Variants in CHIC1 observed in about 807,000 individuals in gnomAD.
The protein encoded by CHIC1 is cysteine-rich hydrophobic domain-containing protein 1.
CHIC1 carries 7 observed loss-of-function variants against 18.5 expected under a neutral mutation model. That is an observed-to-expected ratio of 0.38 (90% CI 0.22 to 0.71). The LOEUF (loss-of-function observed/expected upper bound fraction) is 0.71. Ranked by LOEUF, CHIC1 falls within the 30% of genes least tolerant of loss-of-function variation. CHIC1 has a pLI of 0.49. For synonymous variants in CHIC1, 77 were observed against 73.5 expected, an observed-to-expected ratio of 1.05 and a Z score of -0.25; for missense variants, 159 against 176.9, an observed-to-expected ratio of 0.90 and a Z score of 0.57.
At chrX:73,648,182 A>G (rs1346927095) in intron 3 of CHIC1, among the ~76,000 whole-genome samples, 1 of 110,594 alleles carries the variant, frequency 9.0e-6, no homozygotes, top group Non-Finnish European at 1.9e-5. Context: ...CAAAAAAAGT[A>G]CCAACAAAAA....
intron 3 of CHIC1, among the ~76,000 whole-genome samples, chrX:73,643,335 A>T (rs1333627987): frequency 6.5e-5 from 7 of 107,525 alleles, no homozygotes; most frequent in Non-Finnish European, 1.2e-4. Flanking sequence ...TGAATCTGAC[A>T]ATTACGTGTC....
At chrX:73,580,162 A>G (rs1016362047) in intron 2 of CHIC1, among the ~76,000 whole-genome samples, 2 of 111,024 alleles carry the variant, frequency 1.8e-5, no homozygotes, top group African/African-American at 6.5e-5. Flanking sequence ...TCATTTCTTT[A>G]CAAGCCTTCT....
chrX:73,685,936 A>G lies in CHIC1; in HGVS notation c.*4931A>G, dbSNP rs1403570428. The G allele has an allele frequency of 1.8e-5, 2 of 111,228 alleles. No homozygotes were observed. Among genetic ancestry groups the G allele is most frequent in the African/African-American group, 6.5e-5 (2 of 30,717 alleles). The allele number at this position is 111,228 out of a possible 1,213,427, so 9.2% of individuals were successfully genotyped here. A position where few individuals can be genotyped will look rare whatever the true frequency, so the allele number is the denominator to read the frequency against. ...CAGTGATTCCCAACTTCAGCAGATG[A>G]TAGCAGTGGAGGGTATCCTTGAGCT... On this transcript the variant is annotated 3_prime_UTR_variant, in exon 6 of 6. Transcript: ENST00000373502.
rs1376391430 is a variant in CHIC1 at position 73,603,595 on chromosome X, G to T, written c.507+19023G>T. 2.8e-5 allele frequency among the ~76,000 whole-genome samples: 3 copies of T among 108,572 alleles called. 1 individual carries two copies. Among genetic ancestry groups the T allele is most frequent in the African/African-American group, 7.2e-5 (2 of 27,877 alleles). 94.3% of individuals were successfully genotyped at this position (108,572 alleles called of 115,157 possible). ...TCTTGTGCCGGTTTTCAAAGGGAAT[G>T]CTTCCAGTTTTTGCCCATTCAGTAT... On this transcript the variant is annotated intron_variant, in intron 3 of 5. Coordinates refer to ENST00000373502, the MANE Select transcript of CHIC1 (RefSeq NM_001039840.4).
At chrX:73,664,319 C>A (rs1159620163) in intron 3 of CHIC1, among the ~76,000 whole-genome samples, 2 of 111,284 alleles carry the variant, frequency 1.8e-5, no homozygotes, top group Non-Finnish European at 3.8e-5. Context: ...GGGGCATTCC[C>A]ACTTCATATG....
intron 3 of CHIC1, among the ~76,000 whole-genome samples, chrX:73,678,444 G>A (rs1161984863): frequency 8.9e-6 from 1 of 111,804 alleles, no homozygotes; most frequent in African/African-American, 3.3e-5. Flanking sequence ...GGGCATGCAG[G>A]TCCCAGTGGG....
chrX:73,642,697 T>C (rs1452602547), intron 3 of CHIC1, among the ~76,000 whole-genome samples: 1 of 111,034 alleles, frequency 9.0e-6, no homozygotes, highest in Non-Finnish European at 1.9e-5. Context: ...AATTTTTGTA[T>C]AAAGGTGTAA....
intron 3 of CHIC1, among the ~76,000 whole-genome samples, chrX:73,646,092 A>G (rs992342934): frequency 1.8e-5 from 2 of 111,672 alleles, no homozygotes; most frequent in Middle Eastern, 4.6e-3. Flanking sequence ...GTCCAATTTT[A>G]TTCCTCTGCA....
intron 3 of CHIC1, among the ~76,000 whole-genome samples, chrX:73,605,140 C>G (rs2057674159): frequency 9.3e-6 from 1 of 107,878 alleles, no homozygotes; most frequent in African/African-American, 3.6e-5. Context: ...GTCTGAGTCT[C>G]TTTATAGGTC....
intron 3 of CHIC1, among the ~76,000 whole-genome samples, chrX:73,635,513 T>G (rs974106955): frequency 4.5e-5 from 5 of 110,703 alleles, no homozygotes; most frequent in Non-Finnish European, 5.7e-5. Context: ...TTGGGGGAGG[T>G]TTTTTTTCTG....
chrX:73,621,252 T>A (rs2057758853), intron 3 of CHIC1, among the ~76,000 whole-genome samples: 1 of 112,048 alleles, frequency 8.9e-6, no homozygotes, highest in Non-Finnish European at 1.9e-5. Context: ...AATGGTAGAT[T>A]GATAGGGATA....
At chrX:73,674,144 G>A (rs1023669379) in intron 3 of CHIC1, among the ~76,000 whole-genome samples, 5 of 111,800 alleles carry the variant, frequency 4.5e-5, no homozygotes, top group African/African-American at 9.8e-5. Flanking sequence ...TGCTGGATTC[G>A]GTTTGCCAGT....
chrX:73,681,756 T>G lies in CHIC1; in HGVS notation c.*751T>G, dbSNP rs964969333. 2 of 112,602 alleles carry G rather than the reference T, an allele frequency of 1.8e-5. No homozygotes were observed. The highest frequency in any genetic ancestry group is 3.6e-4 in the South Asian group (1 of 2,786). 9.3% of individuals were successfully genotyped at this position (112,602 alleles called of 1,213,427 possible). ...TAATGAGTATGTTAAGAATTTCAGG[T>G]GTAGGGCAAGGTTGCCCTTTGTAAC... On this transcript the variant is annotated 3_prime_UTR_variant, in exon 6 of 6. Coordinates refer to ENST00000373502, the MANE Select transcript of CHIC1 (RefSeq NM_001039840.4).
chrX:73,601,925 T>C (rs2057652897), intron 3 of CHIC1, among the ~76,000 whole-genome samples: 1 of 104,869 alleles, frequency 9.5e-6, no homozygotes, highest in Non-Finnish European at 1.9e-5. Context: ...CAGAGAATAC[T>C]ATAAACACCT....
At chrX:73,659,245 A>G (rs930593965) in intron 3 of CHIC1, among the ~76,000 whole-genome samples, 34 of 111,295 alleles carry the variant, frequency 3.1e-4, no homozygotes, top group African/African-American at 1.0e-3. Context: ...TGGATAAGAG[A>G]ATTTGGCTGC....
At chrX:73,566,812 A>G (rs1482779912) in intron 1 of CHIC1, among the ~76,000 whole-genome samples, 1 of 111,170 alleles carries the variant, frequency 9.0e-6, no homozygotes, top group Non-Finnish European at 1.9e-5. Context: ...TTTGACACTT[A>G]TGATGATTTC....
At chrX:73,584,614 A>G in intron 3 of CHIC1, 42 bp downstream of exon 3, 1 of 1,006,451 alleles carries the variant, frequency 9.9e-7, no homozygotes, top group Non-Finnish European at 1.3e-6. Flanking sequence ...AATAACTAAC[A>G]TTTATGGAAA....
At chrX:73,642,167 C>T (rs2057860471) in intron 3 of CHIC1, among the ~76,000 whole-genome samples, 1 of 111,538 alleles carries the variant, frequency 9.0e-6, no homozygotes. Context: ...TTTCCACATC[C>T]TCTCCAGCAC....
At position 73,686,046 on chromosome X, in the gene CHIC1, T is replaced by G. The variant is rs1467971766; in HGVS notation, c.*5041T>G. On this transcript the variant is annotated 3_prime_UTR_variant, in exon 6 of 6. Coordinates refer to ENST00000373502, the MANE Select transcript of CHIC1 (RefSeq NM_001039840.4). ...TCACAAGTCAATTAAGACATTGAAT[T>G]TCCATTCATTTTGCCTATATTCTCT... 1.8e-5 allele frequency: 2 copies of G among 111,645 alleles called. No homozygotes were observed. Among genetic ancestry groups the G allele is most frequent in the African/African-American group, 6.5e-5 (2 of 30,832 alleles). The allele number at this position is 111,645 out of a possible 1,213,427, so 9.2% of individuals were successfully genotyped here. A position where few individuals can be genotyped will look rare whatever the true frequency, so the allele number is the denominator to read the frequency against.
Sources: allele counts gnomAD v4.1 joint callset (sites outside exome capture counted in the v4.1 genomes callset), GRCh38; gene constraint gnomAD v4.1.1; transcripts MANE v1.5; gene names NCBI Gene and HGNC (gene_info 2026-07-23, HGNC 2026-07-21).